C16orf96: variants seen among roughly 807,000 people sequenced by gnomAD.
The protein encoded by C16orf96 is chromosome 16 open reading frame 96, also known as uncharacterized protein C16orf96.
Under a neutral mutation model 103.6 loss-of-function variants are expected in C16orf96, and 108 were observed. The ratio of observed to expected loss-of-function variants is 1.04; its 90% CI spans 0.89 to 1.22. The LOEUF is 1.22. Among genes scored for constraint, C16orf96 ranks in the 50% most tolerant of loss-of-function variants. The probability of loss-of-function intolerance (pLI) is 0.00; values close to 1 mark genes in which losing one functional copy is unlikely to be tolerated. For missense variants in C16orf96, 1,586 were observed against 1,464.2 expected (o/e 1.08, Z -1.36); for synonymous variants, 566 against 593.5 (o/e 0.95, Z 0.67).
At chr16:4,597,068 TAGG>T (rs1897188154) in intron 14 of C16orf96, among the ~76,000 whole-genome samples, 1 of 133,924 alleles carries the variant, frequency 7.5e-6, no homozygotes, top group Admixed American at 8.1e-5. Context: ...TCACAGCTTC[TAGG>T]AGATGTATCT....
chr16:4,539,598 T>C, the C16orf96 span, among the ~76,000 whole-genome samples: 294 of 152,134 alleles, frequency 1.9e-3, 1 homozygote, highest in African/African-American at 6.6e-3. Context: ...AGCCCAAAAA[T>C]TGCTTGAACC....
At position 4,594,742 on chromosome 16, in the gene C16orf96, C is replaced by A; in HGVS notation, c.3066C>A (p.Tyr1022Ter). The change falls in exon 14 of 16, where the codon TAC (tyrosine) becomes TAA (stop). Residue 1022 changes from tyrosine (Y) to a stop codon, truncating the protein, a stop_gained. Coordinates refer to ENST00000444310, the MANE Select transcript of C16orf96 (RefSeq NM_001145011.2). LOFTEE classifies it high-confidence loss of function. ...TCCTGGGCGTGGATGGGATCCTGTA[C>A]AAAGGCCGCGTGAACAGCCAGCGTG... Reference protein sequence around the residue: ...VDILGVDGILYKGRVNSQRGA... With the variant: ...VDILGVDGIL 3.9e-6 allele frequency: 6 copies of A among 1,551,256 alleles called. No homozygotes were observed. The highest frequency in any genetic ancestry group is 5.2e-6 in the Non-Finnish European group (6 of 1,146,930).
the C16orf96 span, among the ~76,000 whole-genome samples, chr16:4,544,570 C>A: frequency 2.0e-5 from 3 of 152,172 alleles, no homozygotes; most frequent in African/African-American, 7.2e-5. Context: ...GATCACGCTG[C>A]TGCACTCCAG....
At position 4,583,948 on chromosome 16, in the gene C16orf96, A is replaced by G. The variant is rs967983433; in HGVS notation, c.2353-3091A>G. 5.3e-5 allele frequency among the ~76,000 whole-genome samples: 6 copies of G among 112,912 alleles called. 1 individual carries two copies. In the South Asian group the frequency reaches 1.7e-3, roughly 33 times the overall value. The allele number at this position is 112,912 out of a possible 152,430, so 74.1% of individuals were successfully genotyped here. A position where few individuals can be genotyped will look rare whatever the true frequency, so the allele number is the denominator to read the frequency against. ...TCAAAAAAAAAAAAAAAAAAAAAAA[A>G]TAGGCCAAGAAGACCAGATCTAAGA... On this transcript the variant is annotated intron_variant, in intron 7 of 15. Coordinates refer to ENST00000444310, the MANE Select transcript of C16orf96 (RefSeq NM_001145011.2).
At position 4,575,008 on chromosome 16, in the gene C16orf96, A is replaced by C. The variant is rs1215928532; in HGVS notation, c.643A>C (p.Thr215Pro). ...GAATAAGTTTAAAACCATCCCCAAA[A>C]CCGAGGACATGGTGCTCTGGAGTGG... ...LQNKFKTIPK[T>P]EDMVLWSGLH... The change falls in exon 4 of 16, where the codon ACC (threonine) becomes CCC (proline). Residue 215 changes from threonine to proline, a missense_variant. Physicochemically the swap from Thr to Pro is conservative, Grantham distance 38. Coordinates refer to ENST00000444310, the MANE Select transcript of C16orf96 (RefSeq NM_001145011.2). The C allele has an allele frequency of 6.4e-7, 1 of 1,551,192 alleles. No individual in the cohort carries two copies. The highest frequency in any genetic ancestry group is 1.4e-5 in the African/African-American group (1 of 73,002).
chr16:4,548,327 G>A, the C16orf96 span, among the ~76,000 whole-genome samples: 1 of 152,136 alleles, frequency 6.6e-6, no homozygotes, highest in Non-Finnish European at 1.5e-5. Flanking sequence ...CTCCTCCCTG[G>A]CACCCAAGGC....
At position 4,556,652 on chromosome 16, in the gene C16orf96, A is replaced by C; in HGVS notation, c.163A>C (p.Thr55Pro). ...VLSGDEDFLQ[T>P]SQVVIMPREG... ...CTCAGGCGATGAGGACTTCCTGCAG[A>C]CCTCGCAGGTGGTCATCATGCCCAG... is the stretch of plus-strand genomic sequence containing the variant. Residue 55 changes from threonine to proline, a missense_variant, in exon 1 of 16, where the codon ACC (threonine) becomes CCC (proline). By Grantham distance (38) the Thr-to-Pro change is conservative (BLOSUM62 -1). Transcript: ENST00000444310. The C allele has an allele frequency of 6.4e-7, 1 of 1,551,532 alleles. No individual in the cohort carries two copies. Among genetic ancestry groups the C allele is most frequent in the Non-Finnish European group, 8.7e-7 (1 of 1,146,864 alleles).
intron 1 of C16orf96, among the ~76,000 whole-genome samples, chr16:4,569,759 TAC>T (rs2059417720): frequency 6.6e-6 from 1 of 151,342 alleles, no homozygotes; most frequent in Non-Finnish European, 1.5e-5. Context: ...AGTCACTCCC[TAC>T]AGGGCAAGTT....
chr16:4,596,484 C>CAAAAAAA (rs35069884), intron 14 of C16orf96, among the ~76,000 whole-genome samples: 1 of 118,596 alleles, frequency 8.4e-6, no homozygotes, highest in Non-Finnish European at 1.7e-5. Flanking sequence ...GACTTCGTCT[C>CAAAAAAA]AAAAAAAAAA....
Position 4,576,482 on chromosome 16 carries a change from G to T in C16orf96, c.2002G>T (p.Val668Leu). The T allele has an allele frequency of 1.3e-6, 2 of 1,551,450 alleles. No homozygotes were observed. The highest frequency in any genetic ancestry group is 1.2e-5 in the South Asian group (1 of 84,068). Residue 668 changes from valine (V) to leucine (L), a missense_variant, in exon 5 of 16, where the codon GTG becomes TTG. Transcript: ENST00000444310. The stretch of plus-strand genomic sequence containing the variant: ...CGATCCAGCCCTGTCCCAGGCCATG[G>T]TGGCTACCAAGCAGGCCATGAGCCC... The part of the protein sequence containing the change: ...GPDPALSQAM[V>L]ATKQAMSPED...
At chr16:4,561,258 G>A (rs2059327908) in intron 1 of C16orf96, 1 of 152,184 alleles carries the variant, frequency 6.6e-6, no homozygotes. Context: ...AGTGAGCCAA[G>A]ATCGCGCCAC....
At position 4,588,203 on chromosome 16, in the gene C16orf96, C is replaced by T. The variant is rs777918466; in HGVS notation, c.2464C>T (p.Arg822Cys). 36 of 1,551,448 alleles carry T rather than the reference C, an allele frequency of 2.3e-5. No individual in the cohort carries two copies. The highest frequency in any genetic ancestry group is 8.3e-5 in the South Asian group (7 of 84,048). ...DRSALAGKAS[R>C]VDLETVALEL... Reference sequence around the variant, plus strand: ...GAGTGCCCTGGCAGGCAAGGCAAGCCGCGTTGACCTGGAGACTGTGGCCTT... The same window carrying T: ...GAGTGCCCTGGCAGGCAAGGCAAGCTGCGTTGACCTGGAGACTGTGGCCTT... Residue 822 changes from arginine to cysteine, a missense_variant, in exon 9 of 16, where the codon CGC (arginine) becomes TGC (cysteine). Transcript: ENST00000444310.
At position 4,576,350 on chromosome 16, in the gene C16orf96, C is replaced by G. The variant is rs1282274167; in HGVS notation, c.1870C>G (p.Leu624Val). ...GCCCCTAGGGGTCTTTGCAGATGTC[C>G]TGGGTGCAGGGCCTTCCCGGGGAGC... ...AGPLGVFADV[L>V]GAGPSRGATE... Residue 624 changes from leucine to valine, a missense_variant, in exon 5 of 16, where the codon CTG becomes GTG. By Grantham distance (32) the Leu-to-Val change is conservative (BLOSUM62 1). Coordinates refer to ENST00000444310, the MANE Select transcript of C16orf96 (RefSeq NM_001145011.2). 1.9e-6 allele frequency: 3 copies of G among 1,550,744 alleles called. No homozygotes were observed. The Admixed American group carries it at 5.9e-5, about 30-fold the overall frequency.
chr16:4,541,643 TATTTTTACG>T, the C16orf96 span, among the ~76,000 whole-genome samples: 5 of 152,240 alleles, frequency 3.3e-5, no homozygotes, highest in Non-Finnish European at 7.3e-5. Flanking sequence ...TTTTCTCATT[TATTTTTACG>T]CTTTTTATTG....
the C16orf96 span, among the ~76,000 whole-genome samples, chr16:4,539,751 AC>A: frequency 6.6e-6 from 1 of 151,688 alleles, no homozygotes; most frequent in Non-Finnish European, 1.5e-5. Context: ...AAGATTCTAA[AC>A]CTCCCCAGTT....
chr16:4,594,685 G>C lies in C16orf96; in HGVS notation c.3028-19G>C, dbSNP rs1428405614. ...TCGGGTCGGGGGCTCCCTAACCCGG[G>C]ACCTGGGCCATCCAACAGGCCGAGG... On this transcript the variant is annotated intron_variant, in intron 13 of 15. Coordinates refer to ENST00000444310, the MANE Select transcript of C16orf96 (RefSeq NM_001145011.2). 2 of 1,550,756 alleles carry C rather than the reference G, an allele frequency of 1.3e-6. No homozygotes were observed. Among genetic ancestry groups the C allele is most frequent in the Non-Finnish European group, 1.7e-6 (2 of 1,146,674 alleles).
chr16:4,550,427 G>C, the C16orf96 span, among the ~76,000 whole-genome samples: 1 of 152,128 alleles, frequency 6.6e-6, no homozygotes, highest in Non-Finnish European at 1.5e-5. Context: ...AGCAAACACT[G>C]ACTGGTCCAA....
Position 4,576,372 on chromosome 16 carries a change from G to C in C16orf96, c.1892G>C (p.Gly631Ala), listed in dbSNP as rs911655773. ...ADVLGAGPSRGATESQILGDD... is the reference protein window; with the variant it reads ...ADVLGAGPSRAATESQILGDD... The stretch of plus-strand genomic sequence containing the variant: ...GTCCTGGGTGCAGGGCCTTCCCGGG[G>C]AGCCACAGAATCCCAGATCTTGGGC... Residue 631 changes from glycine (G) to alanine (A), a missense_variant, in exon 5 of 16, where the codon GGA becomes GCA. By Grantham distance (60) the Gly-to-Ala change is moderately conservative (BLOSUM62 0). Transcript: ENST00000444310. The C allele has an allele frequency of 7.1e-6, 11 of 1,550,994 alleles. No homozygotes were observed. The Admixed American group carries it at 9.8e-5, about 14-fold the overall frequency.
the C16orf96 span, among the ~76,000 whole-genome samples, chr16:4,543,051 C>A: frequency 6.6e-6 from 1 of 152,286 alleles, no homozygotes; most frequent in East Asian, 1.9e-4. Flanking sequence ...TCTCTGTCCT[C>A]AAAGCGCACA....
Sources: allele counts gnomAD v4.1 joint callset (sites outside exome capture counted in the v4.1 genomes callset), GRCh38; gene constraint gnomAD v4.1.1; transcripts MANE v1.5; gene names NCBI Gene and HGNC (gene_info 2026-07-23, HGNC 2026-07-21).